DCUN1D4: variants seen among roughly 807,000 people sequenced by gnomAD.
DCUN1D4 encodes DCN1-like protein 4.
A neutral mutation model predicts 47.9 loss-of-function variants in DCUN1D4; 22 were observed. That is an observed-to-expected ratio of 0.46 (90% CI 0.33 to 0.66). The LOEUF is 0.66. DCUN1D4 is among the 30% of genes least tolerant of loss of function. The probability of loss-of-function intolerance (pLI) is 0.02; values close to 1 mark genes in which losing one functional copy is unlikely to be tolerated. For missense variants in DCUN1D4, 301 were observed against 340.8 expected, an observed-to-expected ratio of 0.88 and a Z score of 0.92; for synonymous variants, 121 against 112.2, an observed-to-expected ratio of 1.08 and a Z score of -0.50.
chr4:51,861,255 T>TTG (rs976008514), intron 1 of DCUN1D4, among the ~76,000 whole-genome samples: 59 of 152,004 alleles, frequency 3.9e-4, no homozygotes, highest in African/African-American at 1.3e-3. Flanking sequence ...TAGAGTGGTT[T>TTG]TGTGTGTGTG....
At chr4:51,840,527 T>C (rs1171425363), upstream of DCUN1D4, among the ~76,000 whole-genome samples, 1 of 152,212 alleles carries the variant, frequency 6.6e-6, no homozygotes, top group East Asian at 1.9e-4. Flanking sequence ...AACATTTAAC[T>C]CCTTTGGATG....
intron 6 of DCUN1D4, among the ~76,000 whole-genome samples, chr4:51,889,547 C>T (rs1730097546): frequency 6.6e-6 from 1 of 152,070 alleles, no homozygotes; most frequent in African/African-American, 2.4e-5. Flanking sequence ...GGCTCTTTAG[C>T]CATGTTTCAT....
At chr4:51,842,472 G>C (rs1185577551), upstream of DCUN1D4, among the ~76,000 whole-genome samples, 1 of 152,238 alleles carries the variant, frequency 6.6e-6, no homozygotes, top group Non-Finnish European at 1.5e-5. Context: ...TCGAAAGTGG[G>C]GAGAGGATGG....
intron 5 of DCUN1D4, among the ~76,000 whole-genome samples, chr4:51,878,603 C>T (rs1433416167): frequency 2.0e-5 from 3 of 152,154 alleles, no homozygotes; most frequent in Admixed American, 2.0e-4. Context: ...TACATACATT[C>T]CTGAACAACC....
chr4:51,861,956 G>A (rs6856541), intron 1 of DCUN1D4, among the ~76,000 whole-genome samples: 151,181 of 152,234 alleles, frequency 0.99, 75,069 homozygotes, highest in East Asian at 1. Flanking sequence ...ATAAATAGGT[G>A]TATAATACAC....
At chr4:51,843,482 G>T in intron 1 of DCUN1D4, 1 of 1,263,796 alleles carries the variant, frequency 7.9e-7, no homozygotes, top group Non-Finnish European at 1.0e-6. Context: ...CCGGCCTGCG[G>T]GGAGGGCGGA....
At chr4:51,890,881 AAGT>A (rs1038349773) in intron 6 of DCUN1D4, among the ~76,000 whole-genome samples, 11 of 152,350 alleles carry the variant, frequency 7.2e-5, no homozygotes, top group African/African-American at 2.2e-4. Flanking sequence ...GCTAAGGAAA[AAGT>A]AGTAAGCAGT....
intron 5 of DCUN1D4, among the ~76,000 whole-genome samples, chr4:51,880,052 ACCCCCTTCTTTTT>A (rs1728328754): frequency 6.6e-6 from 1 of 151,960 alleles, no homozygotes; most frequent in South Asian, 2.1e-4. Context: ...ATTTTTAGCC[ACCCCCTTCTTTTT>A]CCCCCTTTTG....
intron 6 of DCUN1D4, among the ~76,000 whole-genome samples, chr4:51,890,334 T>C (rs1267298605): frequency 1.3e-5 from 2 of 152,332 alleles, no homozygotes; most frequent in East Asian, 3.9e-4. Context: ...GGCACAGGGA[T>C]GGTGTTTTAA....
At chr4:51,908,666 T>C (rs1269946646) in intron 8 of DCUN1D4, among the ~76,000 whole-genome samples, 5 of 152,188 alleles carry the variant, frequency 3.3e-5, no homozygotes, top group South Asian at 2.1e-4. Context: ...TCACTTTTAA[T>C]TGGGAACCCC....
intron 9 of DCUN1D4, 68 bp downstream of exon 9, chr4:51,911,242 C>T (rs1238521051): frequency 1.1e-5 from 15 of 1,392,916 alleles, no homozygotes; most frequent in South Asian, 6.1e-5. Flanking sequence ...TTTATTCACC[C>T]GTTGTATGTA....
intron 7 of DCUN1D4, among the ~76,000 whole-genome samples, chr4:51,894,076 G>C (rs1190479309): frequency 6.6e-6 from 1 of 152,118 alleles, no homozygotes; most frequent in Non-Finnish European, 1.5e-5. Flanking sequence ...TTGCCACTTT[G>C]TATGATGCAG....
At chr4:51,897,894 C>A (rs1333339874) in intron 7 of DCUN1D4, among the ~76,000 whole-genome samples, 1 of 152,144 alleles carries the variant, frequency 6.6e-6, no homozygotes, top group East Asian at 1.9e-4. Context: ...ATCCTAAGTC[C>A]AGAAAATAAG....
At chr4:51,841,352 A>C (rs1168266208), upstream of DCUN1D4, among the ~76,000 whole-genome samples, 1 of 152,222 alleles carries the variant, frequency 6.6e-6, no homozygotes, top group Non-Finnish European at 1.5e-5. Flanking sequence ...AATAGAATAA[A>C]GAATGCAGGA....
At chr4:51,908,791 T>A (rs1000824612) in intron 8 of DCUN1D4, 1 of 419,958 alleles carries the variant, frequency 2.4e-6, no homozygotes, top group Admixed American at 2.5e-5. Context: ...TTCCCGGGAA[T>A]TTTTAGTGTT....
At chr4:51,864,494 C>T (rs1725589109) in intron 3 of DCUN1D4, among the ~76,000 whole-genome samples, 1 of 152,144 alleles carries the variant, frequency 6.6e-6, no homozygotes, top group Non-Finnish European at 1.5e-5. Flanking sequence ...ACAAAAATAC[C>T]TTAAACTGAG....
intron 1 of DCUN1D4, chr4:51,844,925 C>T (rs926871621): frequency 1.5e-5 from 15 of 985,426 alleles, no homozygotes; most frequent in Non-Finnish European, 1.7e-5. Flanking sequence ...CCTGCGCGCT[C>T]TCGGGAGGCG....
chr4:51,906,328 G>GA (rs1732889366), intron 8 of DCUN1D4, among the ~76,000 whole-genome samples: 1 of 152,156 alleles, frequency 6.6e-6, no homozygotes, highest in Non-Finnish European at 1.5e-5. Context: ...GGCCAAACCA[G>GA]AAATGATTAG....
At chr4:51,913,258 T>G (rs1578071253) in intron 9 of DCUN1D4, 32 bp from the exon 10 acceptor site, 1 of 1,334,124 alleles carries the variant, frequency 7.5e-7, no homozygotes, top group Admixed American at 1.8e-5. Context: ...ATTTTAAGTG[T>G]CAGTAATTCA....
Sources: allele counts gnomAD v4.1 joint callset (sites outside exome capture counted in the v4.1 genomes callset), GRCh38; gene constraint gnomAD v4.1.1; transcripts MANE v1.5; gene names NCBI Gene and HGNC (gene_info 2026-07-23, HGNC 2026-07-21).